The following EFNA5 variants were observed in gnomAD, a reference collection of about 807,000 sequenced individuals.
EFNA5 encodes ephrin-A5.
Under a neutral mutation model 22.9 loss-of-function variants are expected in EFNA5, and 5 were observed. The observed-to-expected ratio is 0.22, with a 90% CI of 0.11 to 0.46. The LOEUF is 0.46. EFNA5 is among the 20% of genes least tolerant of loss of function. The probability of loss-of-function intolerance (pLI) is 0.99; values close to 1 mark genes in which losing one functional copy is unlikely to be tolerated. For synonymous variants in EFNA5, 113 were observed against 112.2 expected (o/e 1.01, Z -0.04); for missense variants, 237 against 293.3 (o/e 0.81, Z 1.40).
At chr5:107,596,717 AG>A (rs1014828232) in intron 1 of EFNA5, among the ~76,000 whole-genome samples, 6 of 152,168 alleles carry the variant, frequency 3.9e-5, no homozygotes, top group African/African-American at 4.8e-5. Flanking sequence ...TCCCAGCAAA[AG>A]GAGGTAGATG....
At position 107,574,162 on chromosome 5, in the gene EFNA5, C is replaced by T. The variant is rs565744393; in HGVS notation, c.125+96327G>A. Among the ~76,000 whole-genome samples the T allele has an allele frequency of 6.4e-4, 98 of 152,246 alleles. No homozygotes were observed. The South Asian group carries it at 7.0e-3, about 11-fold the overall frequency. ...ATTGGTTTTCTTATTGAATTTAAGA[C>T]GTATTCATACTTTCTTCAATAAAGT... On this transcript the variant is annotated intron_variant, in intron 1 of 4. Coordinates refer to ENST00000333274, the MANE Select transcript of EFNA5 (RefSeq NM_001962.3).
Position 107,431,066 on chromosome 5 carries a change from G to A in EFNA5, c.126-3557C>T, listed in dbSNP as rs565312223. Among the ~76,000 whole-genome samples, 21 of 152,216 alleles carry A rather than the reference G, an allele frequency of 1.4e-4. No homozygotes were observed. The East Asian group carries it at 2.7e-3, about 20-fold the overall frequency. ...TGGGATTACAGGCGTGAGCCACCGC[G>A]CCCGGCCACAATTAGTATTTCTACC... On this transcript the variant is annotated intron_variant, in intron 1 of 4. Transcript: ENST00000333274.
In EFNA5 at chr5:107,637,042, A is replaced by G. The variant is rs1750386581; in HGVS notation, c.125+33447T>C. ...TTGTTTATTTAATTTTATTCAGGCC[A>G]GTAATGACCATGACAAATACCTAAA... is the stretch of plus-strand genomic sequence containing the variant. On this transcript the variant is annotated intron_variant, in intron 1 of 4. Coordinates refer to ENST00000333274, the MANE Select transcript of EFNA5 (RefSeq NM_001962.3). Among the ~76,000 whole-genome samples, 2 of 152,220 alleles carry G rather than the reference A, an allele frequency of 1.3e-5. 1 individual carries two copies. Among genetic ancestry groups the G allele is most frequent in the South Asian group, 4.1e-4 (2 of 4,828 alleles).
intron 2 of EFNA5, among the ~76,000 whole-genome samples, chr5:107,420,542 A>AAG (rs1554057947): frequency 4.7e-5 from 4 of 84,658 alleles, no homozygotes; most frequent in South Asian, 5.2e-4. Flanking sequence ...AAAAAAAAAG[A>AAG]AAAAAAAAAA....
intron 1 of EFNA5, among the ~76,000 whole-genome samples, chr5:107,591,865 T>TATATA (rs1749335298): frequency 3.3e-5 from 2 of 60,066 alleles, no homozygotes; most frequent in African/African-American, 1.9e-4. Flanking sequence ...ATATAAAAAA[T>TATATA]ATATATATAA....
chr5:107,404,836 G>C (rs1369690503), intron 2 of EFNA5, among the ~76,000 whole-genome samples: 2 of 152,188 alleles, frequency 1.3e-5, no homozygotes, highest in African/African-American at 4.8e-5. Flanking sequence ...GGTAGAACTT[G>C]ACTGTGTAAT....
At chr5:107,512,945 TTGA>T (rs1172291982) in intron 1 of EFNA5, among the ~76,000 whole-genome samples, 2 of 152,176 alleles carry the variant, frequency 1.3e-5, no homozygotes, top group Non-Finnish European at 2.9e-5. Context: ...TGAGCTAGTC[TTGA>T]TGAGGTCTCC....
intron 2 of EFNA5, among the ~76,000 whole-genome samples, chr5:107,412,453 A>G (rs993387339): frequency 7.2e-5 from 11 of 152,208 alleles, no homozygotes; most frequent in African/African-American, 1.7e-4. Flanking sequence ...TTGATGAAAC[A>G]TCTGTGATTA....
intron 1 of EFNA5, among the ~76,000 whole-genome samples, chr5:107,496,348 A>C (rs1262297888): frequency 5.0e-4 from 75 of 149,912 alleles, no homozygotes; most frequent in African/African-American, 1.6e-3. Context: ...AAAAAAAAAA[A>C]AAAAACAAAA....
intron 1 of EFNA5, among the ~76,000 whole-genome samples, chr5:107,616,083 G>C (rs1366935869): frequency 6.6e-6 from 1 of 152,174 alleles, no homozygotes; most frequent in African/African-American, 2.4e-5. Flanking sequence ...ATTGAAATCA[G>C]TAACCCAAGT....
chr5:107,468,058 C>T (rs1750039290), intron 1 of EFNA5, among the ~76,000 whole-genome samples: 1 of 152,188 alleles, frequency 6.6e-6, no homozygotes, highest in Non-Finnish European at 1.5e-5. Context: ...ATATCACTGA[C>T]ATCTTGGTAG....
At chr5:107,420,211 T>C (rs1157631370) in intron 2 of EFNA5, among the ~76,000 whole-genome samples, 1 of 152,214 alleles carries the variant, frequency 6.6e-6, no homozygotes, top group Admixed American at 6.5e-5. Flanking sequence ...TTAATCTTTA[T>C]GCATTTATGA....
At chr5:107,655,437 A>ATGCAGAGT (rs577986553) in intron 1 of EFNA5, among the ~76,000 whole-genome samples, 47 of 152,282 alleles carry the variant, frequency 3.1e-4, no homozygotes, top group African/African-American at 1.1e-3. Flanking sequence ...GAAATCTGTT[A>ATGCAGAGT]TGCAGAGTTC....
chr5:107,537,525 GGAGCCA>G (rs1320498219), intron 1 of EFNA5, among the ~76,000 whole-genome samples: 1 of 152,182 alleles, frequency 6.6e-6, no homozygotes. Flanking sequence ...CTTGAACACA[GGAGCCA>G]GGAGTTGCAG....
chr5:107,411,785 A>G (rs28683545), intron 2 of EFNA5, among the ~76,000 whole-genome samples: 33,818 of 152,070 alleles, frequency 0.22, 3,983 homozygotes, highest in South Asian at 0.33. Context: ...GGGGTCTTAC[A>G]TTGTTGCCCA....
intron 1 of EFNA5, among the ~76,000 whole-genome samples, chr5:107,471,439 T>C (rs1750138661): frequency 6.6e-6 from 1 of 152,208 alleles, no homozygotes; most frequent in South Asian, 2.1e-4. Context: ...ACTTAATGTG[T>C]GCAGTTACAG....
chr5:107,504,397 A>G (rs1580500390), intron 1 of EFNA5, among the ~76,000 whole-genome samples: 1 of 152,196 alleles, frequency 6.6e-6, no homozygotes, highest in African/African-American at 2.4e-5. Flanking sequence ...GATATGTTAT[A>G]TATATAAAAA....
chr5:107,469,022 A>G (rs1013181513), intron 1 of EFNA5, among the ~76,000 whole-genome samples: 11 of 152,350 alleles, frequency 7.2e-5, no homozygotes, highest in African/African-American at 2.2e-4. Flanking sequence ...ACAACCACCA[A>G]TGAATGTTTA....
chr5:107,506,461 T>C (rs1002276824), intron 1 of EFNA5, among the ~76,000 whole-genome samples: 2 of 152,204 alleles, frequency 1.3e-5, no homozygotes, highest in Admixed American at 6.6e-5. Flanking sequence ...TGCTAAATTA[T>C]GGACTGGGGT....
Sources: gnomAD v4.1 joint callset for allele counts (sites outside exome capture counted in the v4.1 genomes callset) on GRCh38, gnomAD v4.1.1 for gene constraint, MANE v1.5 for transcripts, NCBI Gene and HGNC (gene_info 2026-07-23, HGNC 2026-07-21) for gene names.